ADK: variants seen among roughly 807,000 people sequenced by gnomAD.
The protein encoded by ADK is N6,N6-dimethyladenosine kinase.
Under a neutral mutation model 44.7 loss-of-function variants are expected in ADK, and 24 were observed. The observed-to-expected ratio is 0.54, with a 90% CI of 0.39 to 0.76. The LOEUF is 0.76. Among genes scored for constraint, ADK ranks in the 30% least tolerant of loss-of-function variants. ADK has a pLI of 0.00. For synonymous variants in ADK, 128 were observed against 142.6 expected (o/e 0.90, Z 0.73); for missense variants, 321 against 425.1 (o/e 0.76, Z 2.15).
chr10:74,205,515 A>T (rs1843559969), intron 2 of ADK, among the ~76,000 whole-genome samples: 1 of 152,080 alleles, frequency 6.6e-6, no homozygotes, highest in Non-Finnish European at 1.5e-5. Context: ...GTCTCTATTA[A>T]AAATACAAAA....
chr10:74,349,310 A>G (rs971600915), intron 4 of ADK, among the ~76,000 whole-genome samples: 2 of 152,206 alleles, frequency 1.3e-5, no homozygotes, highest in African/African-American at 2.4e-5. Flanking sequence ...TATCCAGCCA[A>G]ACTAAGCTTC....
chr10:74,587,522 A>G (rs1851569549), intron 7 of ADK, among the ~76,000 whole-genome samples: 1 of 152,166 alleles, frequency 6.6e-6, no homozygotes, highest in African/African-American at 2.4e-5. Context: ...CCATAGGTGC[A>G]TACATGTATT....
chr10:74,233,154 A>G (rs1006197995), intron 3 of ADK, among the ~76,000 whole-genome samples: 9 of 152,230 alleles, frequency 5.9e-5, no homozygotes, highest in African/African-American at 1.7e-4. Flanking sequence ...TTAGAATTCA[A>G]TGCCACTATG....
chr10:74,312,778 G>T (rs1840481548), intron 3 of ADK, among the ~76,000 whole-genome samples: 1 of 150,392 alleles, frequency 6.6e-6, no homozygotes, highest in Admixed American at 6.6e-5. Context: ...GCCAAGTGTG[G>T]TGGTGCATGC....
intron 9 of ADK, chr10:74,641,709 C>A (rs544247787): frequency 6.6e-6 from 1 of 152,296 alleles, no homozygotes; most frequent in East Asian, 1.9e-4. Flanking sequence ...TTCTTGTTGG[C>A]CAGCTTGCTT....
chr10:74,421,509 G>T (rs946952338), intron 6 of ADK, among the ~76,000 whole-genome samples: 5 of 152,152 alleles, frequency 3.3e-5, no homozygotes, highest in Non-Finnish European at 1.5e-5. Context: ...AGATGCATGT[G>T]TATATGTGGA....
chr10:74,532,667 G>A (rs905104656), intron 7 of ADK, among the ~76,000 whole-genome samples: 2 of 152,070 alleles, frequency 1.3e-5, no homozygotes, highest in Non-Finnish European at 1.5e-5. Context: ...TTGGGAGGCC[G>A]AGGCTGGTGG....
chr10:74,664,903 A>C (rs977671777), intron 9 of ADK, among the ~76,000 whole-genome samples: 3 of 152,238 alleles, frequency 2.0e-5, no homozygotes, highest in Admixed American at 2.0e-4. Context: ...AAATATTGCT[A>C]TAAAATACAT....
At chr10:74,184,259 G>C (rs1392108390) in intron 1 of ADK, among the ~76,000 whole-genome samples, 1 of 152,154 alleles carries the variant, frequency 6.6e-6, no homozygotes, top group East Asian at 1.9e-4. Context: ...GTTATGAACA[G>C]GATGACCATA....
chr10:74,413,542 A>G (rs920719845), intron 6 of ADK, among the ~76,000 whole-genome samples: 6 of 152,198 alleles, frequency 3.9e-5, no homozygotes, highest in Non-Finnish European at 7.3e-5. Flanking sequence ...GCTTTAACAG[A>G]ATTGAAAAGA....
At chr10:74,395,226 CTTT>C (rs999247095) in intron 5 of ADK, among the ~76,000 whole-genome samples, 1 of 152,046 alleles carries the variant, frequency 6.6e-6, no homozygotes, top group African/African-American at 2.4e-5. Context: ...CTCTTCCTTT[CTTT>C]TTTTCCCTTT....
In ADK at chr10:74,700,304, G is replaced by A. The variant is rs957131866; in HGVS notation, c.965-8017G>A. Among the ~76,000 whole-genome samples the A allele has an allele frequency of 6.6e-5, 10 of 152,252 alleles. No homozygotes were observed. In the East Asian group the frequency reaches 9.6e-4, roughly 15 times the overall value. ...GTCACCCAGGTTGGAGTGCAGTGGC[G>A]TGATCTCGGCTCACTGCAACCTCTG... On this transcript the variant is annotated intron_variant, in intron 10 of 10. Transcript: ENST00000539909.
intron 1 of ADK, among the ~76,000 whole-genome samples, chr10:74,153,655 A>G (rs1422628659): frequency 6.6e-6 from 1 of 152,246 alleles, no homozygotes; most frequent in East Asian, 1.9e-4. Context: ...CCTATGAGGT[A>G]GGAGCAATGA....
intron 7 of ADK, among the ~76,000 whole-genome samples, chr10:74,529,542 A>G (rs1265487554): frequency 6.6e-6 from 1 of 152,180 alleles, no homozygotes; most frequent in African/African-American, 2.4e-5. Flanking sequence ...TTTTTTTGAA[A>G]AAGTTTTATT....
chr10:74,474,509 C>CCTTT (rs1564742538), intron 6 of ADK, among the ~76,000 whole-genome samples: 4 of 150,020 alleles, frequency 2.7e-5, no homozygotes, highest in African/African-American at 9.8e-5. Context: ...TCCTTTCCTT[C>CCTTT]CCTTCCCTTC....
chr10:74,341,387 G>A (rs1245390405), intron 4 of ADK, among the ~76,000 whole-genome samples: 3 of 151,846 alleles, frequency 2.0e-5, no homozygotes, highest in Non-Finnish European at 4.4e-5. Context: ...TTAGCTGGGT[G>A]TGTTGGCGGG....
intron 10 of ADK, among the ~76,000 whole-genome samples, chr10:74,676,137 G>A (rs755300327): frequency 6.6e-6 from 1 of 151,078 alleles, no homozygotes; most frequent in Non-Finnish European, 1.5e-5. Context: ...TTTTGTTTTC[G>A]TTTTTGTTTT....
In ADK at chr10:74,708,633, A is replaced by T; in HGVS notation, c.*188A>T. Reference sequence around the variant, plus strand: ...TCTTTATTATCTCAACAATCTAAAAAATGATGTTTATTTCCATAGTTTGAT... The same window carrying T: ...TCTTTATTATCTCAACAATCTAAAATATGATGTTTATTTCCATAGTTTGAT... On this transcript the variant is annotated 3_prime_UTR_variant, in exon 11 of 11. Transcript: ENST00000539909. 1.7e-6 allele frequency: 1 copy of T among 579,458 alleles called. No individual in the cohort carries two copies. The highest frequency in any genetic ancestry group is 3.8e-5 in the East Asian group (1 of 26,486). 35.9% of individuals were successfully genotyped at this position (579,458 alleles called of 1,614,324 possible).
rs534456376 is a variant in ADK, at chr10:74,293,158, C to T, written c.195-21509C>T. On this transcript the variant is annotated intron_variant, in intron 3 of 10. Coordinates refer to ENST00000539909, the MANE Select transcript of ADK (RefSeq NM_006721.4). ...TCCAGCCCCCGTGACTGATTGAAAC[C>T]CTGTCTCAAAAAAAAAAAAAAAAAA... 2.6e-4 allele frequency among the ~76,000 whole-genome samples: 24 copies of T among 93,426 alleles called. 1 individual carries two copies. The highest frequency in any genetic ancestry group is 2.1e-3 in the East Asian group (8 of 3,880). The allele number at this position is 93,426 out of a possible 152,430, so 61.3% of individuals were successfully genotyped here. A position where few individuals can be genotyped will look rare whatever the true frequency, so the allele number is the denominator to read the frequency against.
Sources: allele counts gnomAD v4.1 joint callset (sites outside exome capture counted in the v4.1 genomes callset), GRCh38; gene constraint gnomAD v4.1.1; transcripts MANE v1.5; gene names NCBI Gene and HGNC (gene_info 2026-07-23, HGNC 2026-07-21).